Variants in KIAA1217 observed in about 807,000 individuals in gnomAD.
KIAA1217 encodes sickle tail protein homolog.
A neutral mutation model predicts 163.9 loss-of-function variants in KIAA1217; 88 were observed. That is an observed-to-expected ratio of 0.54 (90% CI 0.45 to 0.64). The LOEUF is 0.64. KIAA1217 is among the 30% of genes least tolerant of loss of function. The pLI is 0.00. For missense variants in KIAA1217, 2,372 were observed against 2,475.0 expected, an observed-to-expected ratio of 0.96 and a Z score of 0.88; for synonymous variants, 903 against 923.1, an observed-to-expected ratio of 0.98 and a Z score of 0.39.
In KIAA1217 at chr10:23,877,976, G is replaced by A. The variant is rs79421343; in HGVS notation, c.-320-129249G>A. Reference sequence around the variant, plus strand: ...AACCACAGAATCAGGATTGCCCGGGGCACACAGTTCAGCTGAACCAACAGC... The same window carrying A: ...AACCACAGAATCAGGATTGCCCGGGACACACAGTTCAGCTGAACCAACAGC... On this transcript the variant is annotated intron_variant, in intron 1 of 18. Coordinates refer to the KIAA1217 transcript ENST00000376462. Among the ~76,000 whole-genome samples the A allele has an allele frequency of 5.7e-3, 861 of 151,998 alleles. 8 individuals are homozygous for A. Among genetic ancestry groups the A allele is most frequent in the African/African-American group, 0.02 (837 of 41,512 alleles).
intron 2 of KIAA1217, among the ~76,000 whole-genome samples, chr10:24,301,241 C>T (rs2041291031): frequency 6.6e-6 from 1 of 152,056 alleles, no homozygotes; most frequent in Admixed American, 6.6e-5. Context: ...AAGTTAGAAC[C>T]AGGTCATTAT....
intron 3 of KIAA1217, among the ~76,000 whole-genome samples, chr10:24,424,286 T>G (rs1241354106): frequency 6.6e-6 from 1 of 152,218 alleles, no homozygotes; most frequent in East Asian, 1.9e-4. Context: ...CACACACCCT[T>G]GTTCAAATCG....
At chr10:24,403,544 C>A (rs888075025) in intron 3 of KIAA1217, among the ~76,000 whole-genome samples, 2 of 152,086 alleles carry the variant, frequency 1.3e-5, no homozygotes, top group African/African-American at 4.8e-5. Context: ...CAGCCTGGAT[C>A]TCCTTAACAG....
At chr10:24,236,680 C>G (rs1391922988) in intron 2 of KIAA1217, among the ~76,000 whole-genome samples, 1 of 142,384 alleles carries the variant, frequency 7.0e-6, no homozygotes, top group Admixed American at 7.2e-5. Context: ...GAGGCATGTT[C>G]TTACTCAGTT....
chr10:24,070,540 A>G (rs1244836232), intron 2 of KIAA1217, among the ~76,000 whole-genome samples: 1 of 152,244 alleles, frequency 6.6e-6, no homozygotes, highest in Non-Finnish European at 1.5e-5. Flanking sequence ...TCATTAATAT[A>G]TAATCAGTTT....
At chr10:24,013,163 A>T (rs527598860) in intron 2 of KIAA1217, among the ~76,000 whole-genome samples, 1 of 152,072 alleles carries the variant, frequency 6.6e-6, no homozygotes, top group South Asian at 2.1e-4. Flanking sequence ...TTCACTGTTT[A>T]AAAATGGCGC....
chr10:23,934,557 G>GTATA lies in KIAA1217; in HGVS notation c.-320-72638_-320-72635dup, dbSNP rs778185120. Among the ~76,000 whole-genome samples the GTATA allele has an allele frequency of 7.4e-3, 330 of 44,304 alleles. 2 individuals are homozygous for GTATA. The highest frequency in any genetic ancestry group is 0.017 in the South Asian group (24 of 1,402). 29.1% of individuals were successfully genotyped at this position (44,304 alleles called of 152,430 possible). A position where few individuals can be genotyped will look rare whatever the true frequency, so the allele number is the denominator to read the frequency against. On this transcript the variant is annotated intron_variant, in intron 1 of 18. Transcript: ENST00000376462. ...AAAAATATATTAAGTGGTCTTTAAA[G>GTATA]TATATATATATATATATATATATAT... is the stretch of plus-strand genomic sequence containing the variant.
chr10:24,229,892 A>G (rs1399840130), intron 2 of KIAA1217, among the ~76,000 whole-genome samples: 2 of 152,162 alleles, frequency 1.3e-5, no homozygotes, highest in Non-Finnish European at 2.9e-5. Flanking sequence ...TACTGTGTGC[A>G]CAGCAAATAA....
Position 23,697,890 on chromosome 10 carries a change from A to C in KIAA1217, c.-321+2656A>C, listed in dbSNP as rs561897539. On this transcript the variant is annotated intron_variant, in intron 1 of 18. Transcript: ENST00000376462. ...AGACCCTGTCTCAAAAAAAAAAAAA[A>C]GTGTACAACAAAACTACTTACTTTT... 2.6e-5 allele frequency among the ~76,000 whole-genome samples: 4 copies of C among 151,898 alleles called. No homozygotes were observed. In the South Asian group the frequency reaches 8.3e-4, roughly 32 times the overall value.
intron 1 of KIAA1217, among the ~76,000 whole-genome samples, chr10:23,868,674 T>C (rs1250975421): frequency 2.0e-5 from 3 of 152,104 alleles, no homozygotes; most frequent in African/African-American, 7.2e-5. Flanking sequence ...GTGACCAACC[T>C]CTAGGACACA....
intron 2 of KIAA1217, among the ~76,000 whole-genome samples, chr10:24,309,331 GGCGCGC>G (rs1259833450): frequency 7.9e-6 from 1 of 126,140 alleles, no homozygotes; most frequent in Non-Finnish European, 1.6e-5. Context: ...ATGACAAATA[GGCGCGC>G]GCACGCGCGC....
chr10:24,234,255 A>G (rs1176909561), intron 2 of KIAA1217, among the ~76,000 whole-genome samples: 1 of 152,014 alleles, frequency 6.6e-6, no homozygotes, highest in Non-Finnish European at 1.5e-5. Context: ...TATGTACTGC[A>G]AATATTCTAA....
intron 13 of KIAA1217, among the ~76,000 whole-genome samples, chr10:24,527,468 C>T (rs1402921087): frequency 6.7e-6 from 1 of 148,204 alleles, no homozygotes; most frequent in Non-Finnish European, 1.5e-5. Flanking sequence ...TTAAGACCAG[C>T]CTGGGCAACG....
chr10:24,202,140 C>A (rs2067296081), intron 2 of KIAA1217, among the ~76,000 whole-genome samples: 1 of 152,220 alleles, frequency 6.6e-6, no homozygotes. Flanking sequence ...ACATCTGTGT[C>A]TCTGTTTCTC....
At chr10:23,992,612 T>TC (rs1181496427) in intron 1 of KIAA1217, among the ~76,000 whole-genome samples, 1 of 150,994 alleles carries the variant, frequency 6.6e-6, no homozygotes. Flanking sequence ...CATTTCTTTT[T>TC]TTTTTTTTTT....
intron 1 of KIAA1217, among the ~76,000 whole-genome samples, chr10:23,830,185 T>TCTC (rs1838111460): frequency 2.0e-5 from 3 of 152,132 alleles, no homozygotes; most frequent in Non-Finnish European, 4.4e-5. Flanking sequence ...AATTTATAGA[T>TCTC]CTTCTCAGAA....
At chr10:23,893,266 A>G (rs1195150082) in intron 1 of KIAA1217, among the ~76,000 whole-genome samples, 1 of 152,016 alleles carries the variant, frequency 6.6e-6, no homozygotes, top group Non-Finnish European at 1.5e-5. Context: ...CAGATTTTCT[A>G]GTTTATTTGC....
chr10:24,216,082 G>A (rs940552639), intron 1 of KIAA1217, among the ~76,000 whole-genome samples: 4 of 152,158 alleles, frequency 2.6e-5, no homozygotes, highest in African/African-American at 7.2e-5. Context: ...AAAGCAACAT[G>A]AGGTGAAAAG....
chr10:24,101,278 G>A (rs898413705), intron 2 of KIAA1217, among the ~76,000 whole-genome samples: 3 of 152,136 alleles, frequency 2.0e-5, no homozygotes, highest in African/African-American at 7.2e-5. Flanking sequence ...TGGCCACACG[G>A]TATTGGCACA....
Sources: allele counts gnomAD v4.1 joint callset (sites outside exome capture counted in the v4.1 genomes callset), GRCh38; gene constraint gnomAD v4.1.1; transcripts MANE v1.5; gene names NCBI Gene and HGNC (gene_info 2026-07-23, HGNC 2026-07-21).